The following CACNB2 variants were observed in gnomAD, a reference collection of about 807,000 sequenced individuals.
CACNB2 encodes voltage-dependent L-type calcium channel subunit beta-2.
CACNB2 carries 42 observed loss-of-function variants against 73.3 expected under a neutral mutation model. The ratio of observed to expected loss-of-function variants is 0.57; its 90% CI spans 0.45 to 0.74. The LOEUF is 0.74. Among genes scored for constraint, CACNB2 ranks in the 30% least tolerant of loss-of-function variants. The pLI is 0.00. For synonymous variants in CACNB2, 348 were observed against 310.3 expected (o/e 1.12, Z -1.28); for missense variants, 940 against 853.0 (o/e 1.10, Z -1.27).
rs142679337 is a variant in CACNB2 at position 18,298,929 on chromosome 10, G to C, written c.214-102995G>C. On this transcript the variant is annotated intron_variant, in intron 2 of 13. Coordinates refer to ENST00000324631, the MANE Select transcript of CACNB2 (RefSeq NM_201596.3). Reference sequence around the variant, plus strand: ...CAGGGATAGTGCCTTTGGAGAAAAGGTTGGAGAGATTGCACTGTGAGAGGC... The same window carrying C: ...CAGGGATAGTGCCTTTGGAGAAAAGCTTGGAGAGATTGCACTGTGAGAGGC... Among the ~76,000 whole-genome samples the C allele has an allele frequency of 6.7e-4, 102 of 152,156 alleles. 1 individual carries two copies. The highest frequency in any genetic ancestry group is 6.8e-3 in the Middle Eastern group (2 of 294).
At chr10:18,420,403 A>G (rs531077364) in intron 3 of CACNB2, among the ~76,000 whole-genome samples, 1 of 152,276 alleles carries the variant, frequency 6.6e-6, no homozygotes, top group Admixed American at 6.5e-5. Context: ...ATGGAAGCTA[A>G]GAAATCCCAT....
chr10:18,246,130 T>C (rs1354353374), intron 2 of CACNB2, among the ~76,000 whole-genome samples: 1 of 152,166 alleles, frequency 6.6e-6, no homozygotes, highest in East Asian at 1.9e-4. Context: ...AACACACCAA[T>C]TCTCTATTCA....
At chr10:18,526,434 C>T (rs2052477008) in intron 9 of CACNB2, among the ~76,000 whole-genome samples, 1 of 152,190 alleles carries the variant, frequency 6.6e-6, no homozygotes, top group Non-Finnish European at 1.5e-5. Context: ...AGGAAAAGAA[C>T]TGTCACCTGG....
intron 1 of CACNB2, among the ~76,000 whole-genome samples, chr10:18,145,276 T>C (rs761976344): frequency 1.3e-5 from 2 of 152,258 alleles, no homozygotes; most frequent in Non-Finnish European, 2.9e-5. Context: ...ACATCAACAC[T>C]GTTTTCCTGA....
At chr10:18,288,471 G>C (rs1403039184) in intron 2 of CACNB2, among the ~76,000 whole-genome samples, 1 of 152,024 alleles carries the variant, frequency 6.6e-6, no homozygotes, top group Non-Finnish European at 1.5e-5. Context: ...AAAAGATCAG[G>C]CTCCAAATTG....
chr10:18,192,898 GGA>G (rs2034466767), intron 2 of CACNB2, among the ~76,000 whole-genome samples: 1 of 152,128 alleles, frequency 6.6e-6, no homozygotes, highest in Non-Finnish European at 1.5e-5. Flanking sequence ...ATCCACTGAT[GGA>G]CATGGGCTGT....
Position 18,184,649 on chromosome 10 carries a change from GTTT to G in CACNB2, c.213+33698_213+33700del, listed in dbSNP as rs201899870. On this transcript the variant is annotated intron_variant, in intron 2 of 13. Coordinates refer to ENST00000324631, the MANE Select transcript of CACNB2 (RefSeq NM_201596.3). ...TGCCTGGGACAGTTTCTCAGACTTT[GTTT>G]TTTTTTTTTTTTTTTTTTTTTTTCA... 6.2e-3 allele frequency among the ~76,000 whole-genome samples: 546 copies of G among 87,704 alleles called. 2 individuals carry two copies. Among genetic ancestry groups the G allele is most frequent in the African/African-American group, 0.014 (298 of 21,414 alleles). 57.5% of individuals were successfully genotyped at this position (87,704 alleles called of 152,430 possible). A position where few individuals can be genotyped will look rare whatever the true frequency, so the allele number is the denominator to read the frequency against.
intron 3 of CACNB2, among the ~76,000 whole-genome samples, chr10:18,429,153 A>T (rs2045754357): frequency 6.6e-6 from 1 of 152,202 alleles, no homozygotes; most frequent in African/African-American, 2.4e-5. Context: ...TATTTATAGA[A>T]GATAGTTTTG....
chr10:18,371,532 A>G (rs1310557591), intron 2 of CACNB2, among the ~76,000 whole-genome samples: 11 of 152,280 alleles, frequency 7.2e-5, no homozygotes, highest in Admixed American at 7.2e-4. Context: ...TACAAAGGAC[A>G]TGAACTTTTT....
intron 2 of CACNB2, among the ~76,000 whole-genome samples, chr10:18,258,816 A>G (rs917734531): frequency 1.3e-5 from 2 of 152,132 alleles, no homozygotes; most frequent in Non-Finnish European, 2.9e-5. Context: ...CCTCTCACTG[A>G]AGTTTCTTTA....
At chr10:18,277,846 A>C (rs2038367256) in intron 2 of CACNB2, among the ~76,000 whole-genome samples, 1 of 152,188 alleles carries the variant, frequency 6.6e-6, no homozygotes, top group Non-Finnish European at 1.5e-5. Context: ...TTTTTAAAAA[A>C]TGGATTGCTT....
Position 18,506,554 on chromosome 10 carries a change from A to C in CACNB2, c.670+7A>C. The C allele has an allele frequency of 6.4e-7, 1 of 1,553,010 alleles. No homozygotes were observed. On this transcript the variant is annotated splice_region_variant and intron_variant, in intron 6 of 13. Transcript: ENST00000324631. Reference sequence around the variant, plus strand: ...TCAACACCTCCATCATCTGGTAAGTAGGTGATAAATGCTGAATAATACATA... The same window carrying C: ...TCAACACCTCCATCATCTGGTAAGTCGGTGATAAATGCTGAATAATACATA...
At chr10:18,485,925 T>C (rs2049037005) in intron 3 of CACNB2, among the ~76,000 whole-genome samples, 2 of 151,834 alleles carry the variant, frequency 1.3e-5, no homozygotes, top group Middle Eastern at 3.4e-3. Context: ...TTTTTTTTTT[T>C]TTTTTCATTT....
Position 18,140,870 on chromosome 10 carries a change from G to C in CACNB2, c.120+14G>C. Reference sequence around the variant, plus strand: ...GCCGCCGCACAGGTAGCGAGAGCGCGGCGCCTTCTCCTTCCTTTGTGAGCC... The same window carrying C: ...GCCGCCGCACAGGTAGCGAGAGCGCCGCGCCTTCTCCTTCCTTTGTGAGCC... On this transcript the variant is annotated intron_variant, in intron 1 of 13. Transcript: ENST00000324631. 1.9e-6 allele frequency: 3 copies of C among 1,588,240 alleles called. No homozygotes were observed. Among genetic ancestry groups the C allele is most frequent in the East Asian group, 2.3e-5 (1 of 44,044 alleles).
chr10:18,497,648 C>T (rs2049916948), intron 3 of CACNB2, among the ~76,000 whole-genome samples: 1 of 152,110 alleles, frequency 6.6e-6, no homozygotes, highest in Non-Finnish European at 1.5e-5. Flanking sequence ...TGATCTTGAA[C>T]TCCTAGGGTC....
intron 2 of CACNB2, among the ~76,000 whole-genome samples, chr10:18,186,740 C>T (rs1017745160): frequency 6.6e-6 from 1 of 152,128 alleles, no homozygotes; most frequent in Non-Finnish European, 1.5e-5. Flanking sequence ...AGAAATCCAC[C>T]CCCATGATCC....
chr10:18,374,381 G>C (rs1440629980), intron 2 of CACNB2, among the ~76,000 whole-genome samples: 1 of 152,136 alleles, frequency 6.6e-6, no homozygotes. Flanking sequence ...CCCCTGTGAT[G>C]AGTATAAAGG....
At chr10:18,465,116 G>A (rs113779616) in intron 3 of CACNB2, among the ~76,000 whole-genome samples, 6,485 of 152,276 alleles carry the variant, frequency 0.043, 345 homozygotes, top group South Asian at 0.13. Context: ...GATTACCTGA[G>A]GTCAGGAGTT....
chr10:18,239,790 A>T (rs1295169166), intron 2 of CACNB2, among the ~76,000 whole-genome samples: 1 of 152,130 alleles, frequency 6.6e-6, no homozygotes, highest in Non-Finnish European at 1.5e-5. Flanking sequence ...GTTCTTCTAG[A>T]TTTTCTTTAT....
Sources: gnomAD v4.1 joint callset for allele counts (sites outside exome capture counted in the v4.1 genomes callset) on GRCh38, gnomAD v4.1.1 for gene constraint, MANE v1.5 for transcripts, NCBI Gene and HGNC (gene_info 2026-07-23, HGNC 2026-07-21) for gene names.